CNRIP1: variants seen among roughly 807,000 people sequenced by gnomAD.
The protein encoded by CNRIP1 is CB1 cannabinoid receptor-interacting protein 1.
CNRIP1 carries 10 observed loss-of-function variants against 15.2 expected under a neutral mutation model. The ratio of observed to expected loss-of-function variants is 0.66; its 90% CI spans 0.41 to 1.12. CNRIP1 has a LOEUF of 1.12. Ranked by LOEUF, CNRIP1 falls within the 50% of genes most tolerant of loss-of-function variation. CNRIP1 has a pLI of 0.00. For synonymous variants in CNRIP1, 91 were observed against 83.2 expected, an observed-to-expected ratio of 1.09 and a Z score of -0.51; for missense variants, 211 against 214.7, an observed-to-expected ratio of 0.98 and a Z score of 0.11.
intron 2 of CNRIP1, among the ~76,000 whole-genome samples, chr2:68,305,298 G>A (rs1442839231): frequency 8.3e-5 from 12 of 144,498 alleles, no homozygotes; most frequent in East Asian, 2.0e-4. Context: ...GTGTGTGTGT[G>A]TGTGTGTGTG....
At chr2:68,316,754 C>A in intron 2 of CNRIP1, 1 of 339,710 alleles carries the variant, frequency 2.9e-6, no homozygotes, top group South Asian at 4.6e-5. Flanking sequence ...TTTTTTGGCT[C>A]CTCCATTTAG....
chr2:68,317,339 T>A (rs1672314143), intron 1 of CNRIP1, 32 bp from the exon 2 acceptor site: 1 of 1,609,734 alleles, frequency 6.2e-7, no homozygotes, highest in Non-Finnish European at 8.5e-7. Flanking sequence ...CACATACGGT[T>A]GAAATTAGCC....
Position 68,319,401 on chromosome 2 carries a change from G to A in CNRIP1, c.-1C>T, listed in dbSNP as rs768557968. 35 of 1,562,854 alleles carry A rather than the reference G, an allele frequency of 2.2e-5. No homozygotes were observed. In the Admixed American group the frequency reaches 3.6e-4, roughly 16 times the overall value. Reference sequence around the variant, plus strand: ...GCACGAGGCCCGGCAGGTCCCCCATGTCTGGGCGAGGGTCTGGCGCGGCGG... The same window carrying A: ...GCACGAGGCCCGGCAGGTCCCCCATATCTGGGCGAGGGTCTGGCGCGGCGG... On this transcript the variant is annotated 5_prime_UTR_variant, in exon 1 of 3. Coordinates refer to ENST00000263655, the MANE Select transcript of CNRIP1 (RefSeq NM_015463.3).
intron 2 of CNRIP1, among the ~76,000 whole-genome samples, chr2:68,294,454 C>T (rs554531577): frequency 6.6e-6 from 1 of 152,278 alleles, no homozygotes; most frequent in South Asian, 2.1e-4. Context: ...CCAGGGGTTC[C>T]AGAATAGCCT....
chr2:68,289,489 C>A (rs944973064), downstream of CNRIP1, among the ~76,000 whole-genome samples: 1 of 150,086 alleles, frequency 6.7e-6, no homozygotes, highest in Non-Finnish European at 1.5e-5. Flanking sequence ...TTCTTTTTTT[C>A]TTTTTTTTTG....
chr2:68,298,347 T>C (rs144767300), intron 2 of CNRIP1, among the ~76,000 whole-genome samples: 192 of 152,266 alleles, frequency 1.3e-3, no homozygotes, highest in African/African-American at 4.4e-3. Context: ...TTTATAATAC[T>C]TTTCAAATGC....
At chr2:68,314,709 A>C (rs1163864111) in intron 2 of CNRIP1, among the ~76,000 whole-genome samples, 1 of 152,166 alleles carries the variant, frequency 6.6e-6, no homozygotes, top group Non-Finnish European at 1.5e-5. Context: ...GTAACAATAG[A>C]TAGATCAATG....
At chr2:68,317,413 G>C (rs934241052) in intron 1 of CNRIP1, 106 bp from the exon 2 acceptor site, 35 of 1,193,040 alleles carry the variant, frequency 2.9e-5, no homozygotes, top group African/African-American at 6.1e-5. Flanking sequence ...TTCACTAAGG[G>C]GGGCATTGTG....
chr2:68,290,601 C>T (rs115488462), downstream of CNRIP1, among the ~76,000 whole-genome samples: 2 of 152,156 alleles, frequency 1.3e-5, no homozygotes, highest in East Asian at 1.9e-4. Flanking sequence ...TACAAATTGT[C>T]TTCTTCCCTT....
intron 1 of CNRIP1, 39 bp from the exon 2 acceptor site, chr2:68,317,346 A>G: frequency 6.2e-7 from 1 of 1,606,788 alleles, no homozygotes; most frequent in South Asian, 1.1e-5. Context: ...GGTTGAAATT[A>G]GCCTAGGCAC....
chr2:68,304,088 AAAAC>A (rs1368941879), intron 2 of CNRIP1, among the ~76,000 whole-genome samples: 2 of 151,368 alleles, frequency 1.3e-5, no homozygotes, highest in Admixed American at 6.6e-5. Context: ...ACAAACAAAA[AAAAC>A]AAACAAAAAA....
At chr2:68,305,630 C>CGGGG (rs1671808549) in intron 2 of CNRIP1, among the ~76,000 whole-genome samples, 1 of 151,208 alleles carries the variant, frequency 6.6e-6, no homozygotes, top group African/African-American at 2.4e-5. Flanking sequence ...CCCGTCTCTA[C>CGGGG]TAAAAATACA....
Position 68,319,406 on chromosome 2 carries a change from G to T in CNRIP1, c.-6C>A. On this transcript the variant is annotated 5_prime_UTR_variant, in exon 1 of 3. Coordinates refer to ENST00000263655, the MANE Select transcript of CNRIP1 (RefSeq NM_015463.3). ...AGGCCCGGCAGGTCCCCCATGTCTG[G>T]GCGAGGGTCTGGCGCGGCGGCTCCG... is the stretch of plus-strand genomic sequence containing the variant. The T allele has an allele frequency of 6.4e-7, 1 of 1,553,382 alleles. No individual in the cohort carries two copies. Among genetic ancestry groups the T allele is most frequent in the East Asian group, 2.4e-5 (1 of 42,366 alleles).
chr2:68,287,283 G>A (rs1671053959), intron 2 of CNRIP1, among the ~76,000 whole-genome samples: 2 of 152,328 alleles, frequency 1.3e-5, no homozygotes, highest in Admixed American at 6.5e-5. Context: ...TTATGCTGAA[G>A]TAATGAACAA....
At chr2:68,305,326 TATATA>T (rs769449873) in intron 2 of CNRIP1, among the ~76,000 whole-genome samples, 20 of 137,842 alleles carry the variant, frequency 1.5e-4, no homozygotes, top group Middle Eastern at 4.1e-3. Context: ...ATATAAAACA[TATATA>T]ATATATATTT....
intron 1 of CNRIP1, among the ~76,000 whole-genome samples, chr2:68,317,642 C>T (rs1672324079): frequency 6.6e-6 from 1 of 152,104 alleles, no homozygotes; most frequent in Non-Finnish European, 1.5e-5. Flanking sequence ...CCTGTTCCAA[C>T]AATCAGGGGT....
chr2:68,286,997 T>C (rs76239838), intron 2 of CNRIP1, among the ~76,000 whole-genome samples: 3,799 of 152,330 alleles, frequency 0.025, 80 homozygotes, highest in South Asian at 0.069. Flanking sequence ...CCTTTCCTCA[T>C]TTAATTCATC....
chr2:68,316,742 C>CT (rs1470155334), intron 2 of CNRIP1: 4 of 315,556 alleles, frequency 1.3e-5, no homozygotes, highest in Admixed American at 4.7e-5. Flanking sequence ...TCCCATGACA[C>CT]TTTTTTTGGC....
At chr2:68,298,458 A>G (rs1671469894) in intron 2 of CNRIP1, among the ~76,000 whole-genome samples, 1 of 152,172 alleles carries the variant, frequency 6.6e-6, no homozygotes, top group Non-Finnish European at 1.5e-5. Flanking sequence ...TATAAAAATA[A>G]AAAGCCCACC....
Sources: allele counts gnomAD v4.1 joint callset (sites outside exome capture counted in the v4.1 genomes callset), GRCh38; gene constraint gnomAD v4.1.1; transcripts MANE v1.5; gene names NCBI Gene and HGNC (gene_info 2026-07-23, HGNC 2026-07-21).